RYR2: variants seen among roughly 807,000 people sequenced by gnomAD.
RYR2 encodes ryanodine receptor 2, also known as cardiac muscle ryanodine receptor-calcium release channel.
A neutral mutation model predicts 601.1 loss-of-function variants in RYR2; 227 were observed. The observed-to-expected ratio is 0.38, with a 90% confidence interval of 0.34 to 0.42. The LOEUF is 0.42. Ranked by LOEUF, RYR2 falls within the 10% of genes least tolerant of loss-of-function variation. The pLI, the probability that RYR2 is intolerant of heterozygous loss-of-function variation, is 1.00. For synonymous variants in RYR2, 2,223 were observed against 2,175.1 expected (o/e 1.02, Z -0.61); for missense variants, 4,646 against 6,156.5 (o/e 0.75, Z 8.21).
At chr1:237,043,150 G>A (rs1244474576) in intron 1 of RYR2, among the ~76,000 whole-genome samples, 1 of 152,218 alleles carries the variant, frequency 6.6e-6, no homozygotes, top group African/African-American at 2.4e-5. Context: ...ACGCTGCGCG[G>A]AGGTTTCCCC....
intron 2 of RYR2, among the ~76,000 whole-genome samples, chr1:237,285,712 T>C (rs1431575437): frequency 6.6e-6 from 1 of 152,172 alleles, no homozygotes; most frequent in Non-Finnish European, 1.5e-5. Context: ...TGCTTGTTAT[T>C]GGTCTGTTCA....
At chr1:237,507,259 G>A (rs1386782603) in intron 23 of RYR2, among the ~76,000 whole-genome samples, 1 of 152,176 alleles carries the variant, frequency 6.6e-6, no homozygotes, top group Non-Finnish European at 1.5e-5. Flanking sequence ...GTGGGCAAGT[G>A]TTCCTAGTTG....
At chr1:237,118,150 A>G (rs1387985845) in intron 1 of RYR2, among the ~76,000 whole-genome samples, 4 of 152,252 alleles carry the variant, frequency 2.6e-5, no homozygotes, top group Non-Finnish European at 5.9e-5. Context: ...TTGAAGGGAT[A>G]TATACATACA....
chr1:237,160,561 T>C (rs1675893332), intron 1 of RYR2, among the ~76,000 whole-genome samples: 1 of 152,092 alleles, frequency 6.6e-6, no homozygotes. Flanking sequence ...TTGTTTTGTT[T>C]TTTAATGGAA....
At chr1:237,680,031 C>G (rs192465175) in intron 61 of RYR2, among the ~76,000 whole-genome samples, 3 of 152,304 alleles carry the variant, frequency 2.0e-5, no homozygotes, top group Admixed American at 1.3e-4. Context: ...TCACACATTT[C>G]TATGTCTCCA....
intron 62 of RYR2, among the ~76,000 whole-genome samples, chr1:237,684,668 G>A (rs538560576): frequency 4.6e-5 from 7 of 152,094 alleles, no homozygotes; most frequent in South Asian, 4.1e-4. Flanking sequence ...TAAGGTACCC[G>A]CAGGTCATTC....
At chr1:237,730,140 G>C in intron 76 of RYR2, 120 bp from the exon 77 acceptor site, 1 of 631,472 alleles carries the variant, frequency 1.6e-6, no homozygotes, top group Admixed American at 2.4e-5. Context: ...GTCAAGAATA[G>C]AGAATTTATT....
chr1:237,275,553 C>T (rs190509895), intron 2 of RYR2, among the ~76,000 whole-genome samples: 37 of 151,700 alleles, frequency 2.4e-4, no homozygotes, highest in Middle Eastern at 3.4e-3. Context: ...TTCATGGCCC[C>T]AATAACAGAT....
rs12563366 is a variant in RYR2, at chr1:237,633,550, A to G, written c.6556-28A>G. The G allele has an allele frequency of 0.077, 123,922 of 1,612,786 alleles. 8,392 individuals carry two copies. The highest frequency in any genetic ancestry group is 0.39 in the East Asian group (17,423 of 44,828). ...AATTTTATAAAGGTCGTTTGCTTTC[A>G]GCAGCTAATGACATGCTTTATCTGT... is the stretch of plus-strand genomic sequence containing the variant. On this transcript the variant is annotated intron_variant, in intron 42 of 104. Coordinates refer to ENST00000366574, the MANE Select transcript of RYR2 (RefSeq NM_001035.3).
intron 10 of RYR2, among the ~76,000 whole-genome samples, chr1:237,391,971 G>A (rs1702422668): frequency 6.6e-6 from 1 of 152,038 alleles, no homozygotes; most frequent in South Asian, 2.1e-4. Flanking sequence ...TAAGTTACTT[G>A]AGATTTTTTT....
At chr1:237,157,853 T>G (rs1675571339) in intron 1 of RYR2, among the ~76,000 whole-genome samples, 1 of 152,168 alleles carries the variant, frequency 6.6e-6, no homozygotes, top group Admixed American at 6.5e-5. Flanking sequence ...CAATAATTTA[T>G]TATATATTTC....
At chr1:237,337,380 T>G (rs1462085274) in intron 3 of RYR2, among the ~76,000 whole-genome samples, 1 of 152,142 alleles carries the variant, frequency 6.6e-6, no homozygotes, top group Non-Finnish European at 1.5e-5. Context: ...TATCAAACAC[T>G]GAAGCTCCAA....
chr1:237,378,499 G>A (rs1246053132), intron 8 of RYR2, among the ~76,000 whole-genome samples: 1 of 152,140 alleles, frequency 6.6e-6, no homozygotes, highest in East Asian at 1.9e-4. Context: ...ATAAAATGGG[G>A]CATTGTAAAC....
chr1:237,094,423 GT>G (rs968923379), intron 1 of RYR2, among the ~76,000 whole-genome samples: 1 of 152,084 alleles, frequency 6.6e-6, no homozygotes, highest in Admixed American at 6.5e-5. Flanking sequence ...TATCGTTTCT[GT>G]TTTTTTGGGA....
intron 2 of RYR2, among the ~76,000 whole-genome samples, chr1:237,296,243 C>G (rs1692769829): frequency 6.6e-6 from 1 of 152,054 alleles, no homozygotes; most frequent in African/African-American, 2.4e-5. Context: ...TAGTTGGGGG[C>G]TGATTTTCAG....
intron 1 of RYR2, among the ~76,000 whole-genome samples, chr1:237,064,541 A>G (rs956288485): frequency 6.6e-6 from 1 of 152,080 alleles, no homozygotes; most frequent in African/African-American, 2.4e-5. Flanking sequence ...ATAATGTAAG[A>G]AAAGATATAG....
intron 4 of RYR2, among the ~76,000 whole-genome samples, chr1:237,356,703 T>C (rs1291458041): frequency 6.6e-6 from 1 of 152,090 alleles, no homozygotes; most frequent in Admixed American, 6.6e-5. Flanking sequence ...GGTTTCCTTA[T>C]CTGTTAGGAA....
At chr1:237,151,169 A>G (rs1433557384) in intron 1 of RYR2, among the ~76,000 whole-genome samples, 1 of 152,156 alleles carries the variant, frequency 6.6e-6, no homozygotes, top group Non-Finnish European at 1.5e-5. Flanking sequence ...CTGAGCTTTC[A>G]TTTTAAGCTT....
intron 42 of RYR2, 80 bp from the exon 43 acceptor site, chr1:237,633,498 G>T (rs770054168): frequency 3.2e-6 from 5 of 1,545,506 alleles, no homozygotes; most frequent in Non-Finnish European, 4.4e-6. Flanking sequence ...GATTGACGAT[G>T]TGATTGAGAC....
Sources: gnomAD v4.1 joint callset for allele counts (sites outside exome capture counted in the v4.1 genomes callset) on GRCh38, gnomAD v4.1.1 for gene constraint, MANE v1.5 for transcripts, NCBI Gene and HGNC (gene_info 2026-07-23, HGNC 2026-07-21) for gene names.